VGLL4: variants seen among roughly 807,000 people sequenced by gnomAD.
VGLL4 encodes the protein transcription cofactor vestigial-like protein 4.
VGLL4 carries 7 observed loss-of-function variants against 21.0 expected under a neutral mutation model. The ratio of observed to expected loss-of-function variants is 0.33; its 90% CI spans 0.19 to 0.63. VGLL4 has a LOEUF of 0.63. Ranked by LOEUF, VGLL4 falls within the 20% of genes least tolerant of loss-of-function variation. The pLI is 0.78. For missense variants in VGLL4, 394 were observed against 425.7 expected, an observed-to-expected ratio of 0.93 and a Z score of 0.66; for synonymous variants, 222 against 173.2, an observed-to-expected ratio of 1.28 and a Z score of -2.21.
At chr3:11,712,971 CA>C (rs1009035890) in intron 1 of VGLL4, among the ~76,000 whole-genome samples, 1 of 152,154 alleles carries the variant, frequency 6.6e-6, no homozygotes, top group African/African-American at 2.4e-5. Context: ...CACACCAGGT[CA>C]ATTGATGCTG....
intron 2 of VGLL4, among the ~76,000 whole-genome samples, chr3:11,685,136 T>C (rs1174111396): frequency 2.0e-5 from 3 of 152,170 alleles, no homozygotes; most frequent in Non-Finnish European, 4.4e-5. Flanking sequence ...TCCAGCTCCA[T>C]CTATGTTCCT....
intron 1 of VGLL4, among the ~76,000 whole-genome samples, chr3:11,628,624 T>C (rs1286925064): frequency 1.3e-5 from 2 of 151,766 alleles, no homozygotes; most frequent in East Asian, 2.0e-4. Flanking sequence ...ATTGAGACCA[T>C]CCTAGCTAAC....
chr3:11,606,926 C>G (rs2074957849), intron 1 of VGLL4, among the ~76,000 whole-genome samples: 1 of 152,188 alleles, frequency 6.6e-6, no homozygotes, highest in Non-Finnish European at 1.5e-5. Flanking sequence ...CTGTAACACT[C>G]ACCGCGAAGG....
At chr3:11,607,339 C>G (rs2074967889) in intron 1 of VGLL4, 1 of 152,116 alleles carries the variant, frequency 6.6e-6, no homozygotes, top group Non-Finnish European at 1.5e-5. Context: ...CAAAAGGCCA[C>G]CTACTGTCTG....
intron 1 of VGLL4, chr3:11,612,538 C>T (rs2075083577): frequency 6.6e-6 from 1 of 152,204 alleles, no homozygotes. Flanking sequence ...AAAGAATGAA[C>T]ACTCATCCAC....
intron 2 of VGLL4, among the ~76,000 whole-genome samples, chr3:11,656,432 G>C (rs145864673): frequency 6.6e-6 from 1 of 152,306 alleles, no homozygotes; most frequent in Non-Finnish European, 1.5e-5. Flanking sequence ...AGGGGTGCTG[G>C]TGTTGGCAGG....
rs1189244810 is a variant in VGLL4, at chr3:11,557,560, C to A, written c.*996G>T. On this transcript the variant is annotated 3_prime_UTR_variant, in exon 5 of 5. Transcript: ENST00000430365. ...TGCCAGGAGCTGGCCTCCCGCACTA[C>A]TTGTGAGTAAAGTGAATATCAAATA... The A allele has an allele frequency of 2.6e-5, 4 of 152,554 alleles. No homozygotes were observed. Among genetic ancestry groups the A allele is most frequent in the Admixed American group, 1.3e-4 (2 of 15,280 alleles). 9.5% of individuals were successfully genotyped at this position (152,554 alleles called of 1,614,324 possible). A position where few individuals can be genotyped will look rare whatever the true frequency, so the allele number is the denominator to read the frequency against.
rs1167309336 is a variant in VGLL4 at position 11,598,057 on chromosome 3, G to A, written c.272+3776C>T. On this transcript the variant is annotated intron_variant, in intron 2 of 4. Coordinates refer to ENST00000430365, the MANE Select transcript of VGLL4 (RefSeq NM_001128219.3). ...TTTTTTTTTTATAAGACATCATCTC[G>A]CTCTGTTGCCCAGGCTAGTGCAACG... 7.3e-5 allele frequency among the ~76,000 whole-genome samples: 11 copies of A among 150,738 alleles called. No individual in the cohort carries two copies. In the East Asian group the frequency reaches 7.8e-4, roughly 11 times the overall value.
chr3:11,600,644 C>T (rs2074771082), intron 2 of VGLL4, among the ~76,000 whole-genome samples: 1 of 152,088 alleles, frequency 6.6e-6, no homozygotes, highest in Non-Finnish European at 1.5e-5. Flanking sequence ...TATGACTGAA[C>T]ACAACAGTCC....
At chr3:11,705,898 G>A (rs568313257) in intron 1 of VGLL4, among the ~76,000 whole-genome samples, 3 of 149,454 alleles carry the variant, frequency 2.0e-5, no homozygotes, top group South Asian at 4.3e-4. Flanking sequence ...TCCAGCCTGG[G>A]CGACAGAGCG....
At chr3:11,602,076 G>C in intron 1 of VGLL4, 54 bp from the exon 2 acceptor site, 29 of 1,440,268 alleles carry the variant, frequency 2.0e-5, no homozygotes, top group Non-Finnish European at 2.6e-5. Flanking sequence ...CCCCATCTCA[G>C]TCCCCCAGGC....
At chr3:11,588,886 G>C (rs987150403) in intron 2 of VGLL4, among the ~76,000 whole-genome samples, 6 of 152,198 alleles carry the variant, frequency 3.9e-5, no homozygotes, top group Non-Finnish European at 8.8e-5. Flanking sequence ...GCTTGGTCTA[G>C]GCTAGAGGTA....
rs954117518 is a variant in VGLL4, at chr3:11,597,471, G to A, written c.272+4362C>T. ...AGGTTAATGGATAAATGCAGAAATT[G>A]ACCTTTCTAGTCTTAAAACTTAAAA... On this transcript the variant is annotated intron_variant, in intron 2 of 4. Transcript: ENST00000430365. 1.1e-4 allele frequency among the ~76,000 whole-genome samples: 16 copies of A among 152,238 alleles called. 1 individual carries two copies. The highest frequency in any genetic ancestry group is 9.2e-4 in the Admixed American group (14 of 15,298).
At chr3:11,640,329 A>G (rs1344085035) in intron 1 of VGLL4, among the ~76,000 whole-genome samples, 6 of 152,154 alleles carry the variant, frequency 3.9e-5, no homozygotes, top group African/African-American at 1.4e-4. Flanking sequence ...TCAGGTGTTC[A>G]GAGGAGGGAA....
At chr3:11,571,803 G>A (rs925069331) in intron 2 of VGLL4, among the ~76,000 whole-genome samples, 1 of 152,120 alleles carries the variant, frequency 6.6e-6, no homozygotes, top group African/African-American at 2.4e-5. Flanking sequence ...GTGGCTTGCG[G>A]TCCCAGCGTG....
chr3:11,717,458 C>CTTT (rs2076934648), intron 1 of VGLL4, among the ~76,000 whole-genome samples: 2 of 146,540 alleles, frequency 1.4e-5, no homozygotes, highest in South Asian at 4.3e-4. Flanking sequence ...GGGCTGCCTC[C>CTTT]ATAAGGAGTT....
rs76404931 is a variant in VGLL4, at chr3:11,702,034, T to G, written c.64+937A>C. On this transcript the variant is annotated intron_variant, in intron 2 of 5. Transcript: ENST00000273038. ...CCTCAAACTACACTAATGAACATTTTTTTTCTCCCAGTATTTGCTCTTTCT... is the reference window on the plus strand; with the variant it reads ...CCTCAAACTACACTAATGAACATTTGTTTTCTCCCAGTATTTGCTCTTTCT... Among the ~76,000 whole-genome samples, 712 of 152,330 alleles carry G rather than the reference T, an allele frequency of 4.7e-3. 8 individuals are homozygous for G. The highest frequency in any genetic ancestry group is 0.02 in the Middle Eastern group (6 of 294).
chr3:11,685,203 T>G (rs1196954663), intron 2 of VGLL4, among the ~76,000 whole-genome samples: 1 of 110,488 alleles, frequency 9.1e-6, no homozygotes, highest in Admixed American at 8.3e-5. Flanking sequence ...TGGTGTTGTT[T>G]TTTTTTTTTT....
At chr3:11,590,121 C>T (rs928913286) in intron 2 of VGLL4, among the ~76,000 whole-genome samples, 2 of 152,188 alleles carry the variant, frequency 1.3e-5, no homozygotes, top group Non-Finnish European at 2.9e-5. Flanking sequence ...GGAACACTTC[C>T]GTTTCCCTTA....
Sources: gnomAD v4.1 joint callset for allele counts (sites outside exome capture counted in the v4.1 genomes callset) on GRCh38, gnomAD v4.1.1 for gene constraint, MANE v1.5 for transcripts, NCBI Gene and HGNC (gene_info 2026-07-23, HGNC 2026-07-21) for gene names.